SLC4A8: variants seen among roughly 807,000 people sequenced by gnomAD.
SLC4A8 encodes the protein solute carrier family 4 member 8.
A neutral mutation model predicts 125.0 loss-of-function variants in SLC4A8; 40 were observed. That is an observed-to-expected ratio of 0.32 (90% CI 0.25 to 0.42). The LOEUF is 0.42. SLC4A8 is among the 10% of genes least tolerant of loss of function. The pLI is 1.00. For synonymous variants in SLC4A8, 456 were observed against 476.0 expected (o/e 0.96, Z 0.55); for missense variants, 863 against 1,355.1 (o/e 0.64, Z 5.70).
At chr12:51,428,564 C>A (rs959685827) in intron 1 of SLC4A8, among the ~76,000 whole-genome samples, 1 of 152,212 alleles carries the variant, frequency 6.6e-6, no homozygotes, top group Non-Finnish European at 1.5e-5. Flanking sequence ...CCCTCCTCTC[C>A]GCCAAGAATA....
rs1683895338 is a variant in SLC4A8, at chr12:51,510,926, C to T, written c.*3488C>T. 1 of 152,136 alleles carries T rather than the reference C, an allele frequency of 6.6e-6. No individual in the cohort carries two copies. Among genetic ancestry groups the T allele is most frequent in the Admixed American group, 6.5e-5 (1 of 15,278 alleles). The allele number at this position is 152,136 out of a possible 1,614,324, so 9.4% of individuals were successfully genotyped here. On this transcript the variant is annotated 3_prime_UTR_variant, in exon 25 of 25. Coordinates refer to ENST00000453097, the MANE Select transcript of SLC4A8 (RefSeq NM_001039960.3). Reference sequence around the variant, plus strand: ...GACTCATTAGCTGATTGTTGGATCTCTTTGTGAGGTTCGATTTTTTAAAAA... The same window carrying T: ...GACTCATTAGCTGATTGTTGGATCTTTTTGTGAGGTTCGATTTTTTAAAAA...
At chr12:51,433,123 C>T (rs372106188) in intron 1 of SLC4A8, among the ~76,000 whole-genome samples, 72 of 152,262 alleles carry the variant, frequency 4.7e-4, no homozygotes, top group Non-Finnish European at 9.1e-4. Flanking sequence ...GAGCTCTGCC[C>T]GTGCCTTTTA....
In SLC4A8 at chr12:51,509,079, G is replaced by A. The variant is rs1025357299; in HGVS notation, c.*1641G>A. 6.6e-6 allele frequency: 1 copy of A among 152,602 alleles called. No individual in the cohort carries two copies. The highest frequency in any genetic ancestry group is 1.5e-5 in the Non-Finnish European group (1 of 68,040). The allele number at this position is 152,602 out of a possible 1,614,324, so 9.5% of individuals were successfully genotyped here. ...TTTTAACAACTGGTACAGGACAGATGCCAGCCACTCAGAAGGGATGCCTGC... is the reference window on the plus strand; with the variant it reads ...TTTTAACAACTGGTACAGGACAGATACCAGCCACTCAGAAGGGATGCCTGC... On this transcript the variant is annotated 3_prime_UTR_variant, in exon 25 of 25. Transcript: ENST00000453097.
intron 1 of SLC4A8, among the ~76,000 whole-genome samples, chr12:51,406,040 G>A (rs1948480412): frequency 6.6e-6 from 1 of 152,236 alleles, no homozygotes; most frequent in Non-Finnish European, 1.5e-5. Flanking sequence ...CACCAGAGAG[G>A]TGATGTAATG....
At chr12:51,493,576 C>T (rs555101801) in intron 19 of SLC4A8, 128 bp from the exon 20 acceptor site, 11 of 664,260 alleles carry the variant, frequency 1.7e-5, no homozygotes, top group Admixed American at 4.3e-5. Context: ...GCAGCAGAAA[C>T]TAATGCAATG....
chr12:51,467,382 G>A (rs185251604), intron 11 of SLC4A8: 2 of 152,310 alleles, frequency 1.3e-5, no homozygotes, highest in East Asian at 1.9e-4. Flanking sequence ...TGTTACTGCT[G>A]TAAGCTGAGG....
At chr12:51,505,807 C>T (rs1226235408) in intron 23 of SLC4A8, 28 bp from the exon 24 acceptor site, 9 of 986,544 alleles carry the variant, frequency 9.1e-6, no homozygotes, top group Non-Finnish European at 1.4e-5. Flanking sequence ...GTATGTCTGA[C>T]ATTCACTGTC....
chr12:51,395,199 T>C (rs1319786513), intron 1 of SLC4A8, among the ~76,000 whole-genome samples: 1 of 152,198 alleles, frequency 6.6e-6, no homozygotes, highest in Non-Finnish European at 1.5e-5. Context: ...ATTGTCTCTA[T>C]CTCCAGAAAC....
At chr12:51,402,158 A>G (rs763087307) in intron 1 of SLC4A8, among the ~76,000 whole-genome samples, 1 of 152,188 alleles carries the variant, frequency 6.6e-6, no homozygotes, top group African/African-American at 2.4e-5. Flanking sequence ...TTTGACAGGC[A>G]TATATGGTTA....
Position 51,480,326 on chromosome 12 carries a change from T to G in SLC4A8, c.2172+5120T>G, listed in dbSNP as rs141312378. On this transcript the variant is annotated intron_variant, in intron 16 of 24. Transcript: ENST00000453097. ...AAAATGTATTTATATGTATGTCTTA[T>G]TATATACAAGGCAGATTTCCCTGGA... is the stretch of plus-strand genomic sequence containing the variant. 4.5e-4 allele frequency: 538 copies of G among 1,199,398 alleles called. 7 individuals carry two copies. The East Asian group carries it at 0.027, about 61-fold the overall frequency. The allele number at this position is 1,199,398 out of a possible 1,614,324, so 74.3% of individuals were successfully genotyped here. A position where few individuals can be genotyped will look rare whatever the true frequency, so the allele number is the denominator to read the frequency against.
Position 51,457,521 on chromosome 12 carries a change from C to G in SLC4A8, c.745C>G (p.His249Asp). The G allele has an allele frequency of 1.2e-6, 2 of 1,613,270 alleles. No individual in the cohort carries two copies. Among genetic ancestry groups the G allele is most frequent in the Non-Finnish European group, 1.7e-6 (2 of 1,179,648 alleles). ...GGTTGGCAAGAAGCAGTCTGATCCTCATTTGATGGATAAACATGGTAAGAT... is the reference window on the plus strand; with the variant it reads ...GGTTGGCAAGAAGCAGTCTGATCCTGATTTGATGGATAAACATGGTAAGAT... The part of the protein sequence containing the change: ...AEVGKKQSDP[H>D]LMDKHGQTVS... Residue 249 changes from histidine (H) to aspartate (D), a missense_variant, in exon 6 of 25, where the codon CAT becomes GAT. Physicochemically the swap from His to Asp is moderately conservative, Grantham distance 81. Transcript: ENST00000453097.
intron 1 of SLC4A8, among the ~76,000 whole-genome samples, chr12:51,418,637 C>T (rs532913193): frequency 2.0e-5 from 3 of 152,012 alleles, no homozygotes; most frequent in East Asian, 3.8e-4. Context: ...AGGAGGGGGC[C>T]GGCCCTTTCA....
At chr12:51,424,079 A>AAC (rs1356160439), upstream of SLC4A8, among the ~76,000 whole-genome samples, 28 of 140,920 alleles carry the variant, frequency 2.0e-4, no homozygotes, top group South Asian at 1.4e-3. Flanking sequence ...AAAAAAAACA[A>AAC]AAAAAACCCA....
intron 16 of SLC4A8, among the ~76,000 whole-genome samples, chr12:51,482,887 T>A (rs1951065624): frequency 6.6e-6 from 1 of 152,260 alleles, no homozygotes; most frequent in South Asian, 2.1e-4. Flanking sequence ...CCAATGTATA[T>A]GTAAGACCCC....
chr12:51,422,655 C>T (rs79763518), upstream of SLC4A8, among the ~76,000 whole-genome samples: 4,703 of 152,290 alleles, frequency 0.031, 228 homozygotes, highest in African/African-American at 0.11. Context: ...CCACCATGCC[C>T]AGCCCACAGC....
chr12:51,465,342 G>A (rs1196458208), intron 11 of SLC4A8, among the ~76,000 whole-genome samples: 1 of 152,146 alleles, frequency 6.6e-6, no homozygotes, highest in Non-Finnish European at 1.5e-5. Flanking sequence ...GAGATTTTAG[G>A]TTGCTCTTTG....
At chr12:51,463,978 T>C (rs1950434182) in intron 11 of SLC4A8, among the ~76,000 whole-genome samples, 1 of 152,198 alleles carries the variant, frequency 6.6e-6, no homozygotes, top group South Asian at 2.1e-4. Flanking sequence ...TGAACACTCT[T>C]CCCTTTCCTC....
rs117313024 is a variant in SLC4A8 at position 51,404,350 on chromosome 12, T to C, written c.-112+12862T>C. On this transcript the variant is annotated intron_variant, in intron 1 of 24. Coordinates refer to the SLC4A8 transcript ENST00000358657. ...ACCTGCTTTTTCCTTTAGCATCTTT[T>C]AGGGAACTACCTTCCTTTGATTCTT... Among the ~76,000 whole-genome samples, 28 of 152,284 alleles carry C rather than the reference T, an allele frequency of 1.8e-4. No homozygotes were observed. In the East Asian group the frequency reaches 5.0e-3, roughly 27 times the overall value.
chr12:51,460,668 G>A (rs1225690936), intron 8 of SLC4A8, among the ~76,000 whole-genome samples: 1 of 152,210 alleles, frequency 6.6e-6, no homozygotes, highest in African/African-American at 2.4e-5. Flanking sequence ...ATTCTGGCAT[G>A]GTTTGTATGG....
Sources: allele counts gnomAD v4.1 joint callset (sites outside exome capture counted in the v4.1 genomes callset), GRCh38; gene constraint gnomAD v4.1.1; transcripts MANE v1.5; gene names NCBI Gene and HGNC (gene_info 2026-07-23, HGNC 2026-07-21).